Variants in ARHGAP24 observed in about 807,000 individuals in gnomAD.
ARHGAP24 encodes the protein Rho GTPase activating protein 24.
In ARHGAP24, 50 loss-of-function variants were observed where a neutral mutation model predicts 76.4. The ratio of observed to expected loss-of-function variants is 0.65; its 90% CI spans 0.52 to 0.83. ARHGAP24 has a LOEUF of 0.83. ARHGAP24 is among the 40% of genes least tolerant of loss of function. The pLI, the probability that ARHGAP24 is intolerant of heterozygous loss-of-function variation, is 0.00. For synonymous variants in ARHGAP24, 345 were observed against 323.3 expected (o/e 1.07, Z -0.72); for missense variants, 930 against 914.2 (o/e 1.02, Z -0.22).
intron 3 of ARHGAP24, among the ~76,000 whole-genome samples, chr4:85,795,068 AG>A (rs1728289247): frequency 1.3e-5 from 2 of 152,234 alleles, no homozygotes; most frequent in Non-Finnish European, 1.5e-5. Flanking sequence ...TCCAGTGCCA[AG>A]GAAGTCCCTC....
In ARHGAP24 at chr4:85,994,744, A is replaced by T; in HGVS notation, c.1090A>T (p.Asn364Tyr). 1.2e-6 allele frequency: 2 copies of T among 1,614,190 alleles called. No homozygotes were observed. The highest frequency in any genetic ancestry group is 8.5e-7 in the Non-Finnish European group (1 of 1,180,034). The change falls in exon 9 of 10, where the codon AAT becomes TAT. Residue 364 changes from asparagine to tyrosine, a missense_variant. Physicochemically the swap from Asn to Tyr is moderately radical, Grantham distance 143. Transcript: ENST00000395184. Reference protein sequence around the residue: ...TMGQLQNKENNNTKDSPSRQC... With the variant: ...TMGQLQNKENYNTKDSPSRQC... ...GGGGCAGTTACAGAACAAGGAGAAC[A>T]ATAACACCAAGGACAGCCCTAGTAG...
intron 3 of ARHGAP24, among the ~76,000 whole-genome samples, chr4:85,918,852 G>A (rs936847754): frequency 6.6e-5 from 10 of 152,132 alleles, no homozygotes; most frequent in African/African-American, 2.4e-4. Flanking sequence ...GTCAACAGTA[G>A]CACTAAAGCA....
intron 5 of ARHGAP24, among the ~76,000 whole-genome samples, chr4:85,945,670 G>T (rs775437932): frequency 7.5e-4 from 111 of 148,626 alleles, no homozygotes; most frequent in Admixed American, 1.8e-3. Flanking sequence ...AGAGGCAGGA[G>T]AATCTCTTGA....
intron 2 of ARHGAP24, among the ~76,000 whole-genome samples, chr4:85,646,673 A>T (rs1457021050): frequency 6.6e-6 from 1 of 152,090 alleles, no homozygotes; most frequent in East Asian, 1.9e-4. Flanking sequence ...AAATATCATG[A>T]CTTTTTAAAA....
intron 3 of ARHGAP24, among the ~76,000 whole-genome samples, chr4:85,735,311 C>T (rs781775448): frequency 6.6e-6 from 1 of 152,172 alleles, no homozygotes; most frequent in Admixed American, 6.5e-5. Context: ...CATCCAGCAC[C>T]TCACGTGTTT....
chr4:85,917,690 T>G (rs1457729499), intron 3 of ARHGAP24, among the ~76,000 whole-genome samples: 1 of 152,178 alleles, frequency 6.6e-6, no homozygotes, highest in Non-Finnish European at 1.5e-5. Flanking sequence ...TCATGTGTTT[T>G]TTGGCTGCAT....
At chr4:85,983,574 C>T (rs1378448447) in intron 8 of ARHGAP24, among the ~76,000 whole-genome samples, 2 of 152,158 alleles carry the variant, frequency 1.3e-5, no homozygotes. Flanking sequence ...AGACGCTTCT[C>T]AAAAGAAGAT....
At chr4:85,533,331 T>C (rs968385085) in intron 1 of ARHGAP24, among the ~76,000 whole-genome samples, 3 of 152,334 alleles carry the variant, frequency 2.0e-5, no homozygotes, top group Middle Eastern at 6.8e-3. Context: ...GCTAGATAAG[T>C]ATACTTTGGT....
intron 3 of ARHGAP24, among the ~76,000 whole-genome samples, chr4:85,923,201 C>G (rs1735830440): frequency 6.6e-6 from 1 of 152,130 alleles, no homozygotes; most frequent in Non-Finnish European, 1.5e-5. Context: ...TATCCAATCA[C>G]GATGTCCTGG....
intron 3 of ARHGAP24, among the ~76,000 whole-genome samples, chr4:85,738,255 T>C (rs892440898): frequency 6.6e-6 from 1 of 152,080 alleles, no homozygotes; most frequent in Non-Finnish European, 1.5e-5. Flanking sequence ...TTATTTGCAT[T>C]TCCCTAATGC....
chr4:85,492,028 A>G (rs542585458), intron 1 of ARHGAP24, among the ~76,000 whole-genome samples: 1 of 147,808 alleles, frequency 6.8e-6, no homozygotes, highest in East Asian at 2.0e-4. Flanking sequence ...GGTTCTTTTT[A>G]TTTCCTCTCT....
rs546933854 is a variant in ARHGAP24 at position 85,622,528 on chromosome 4, G to C, written c.180+51807G>C. Reference sequence around the variant, plus strand: ...ACATTTAGGTTGGTTCCAAGTCTTTGCTATTGTGAATAGTGCTGCTATAAA... The same window carrying C: ...ACATTTAGGTTGGTTCCAAGTCTTTCCTATTGTGAATAGTGCTGCTATAAA... On this transcript the variant is annotated intron_variant, in intron 2 of 9. Coordinates refer to ENST00000395184, the MANE Select transcript of ARHGAP24 (RefSeq NM_001025616.3). 7.0e-4 allele frequency among the ~76,000 whole-genome samples: 106 copies of C among 152,042 alleles called. 1 individual carries two copies. Among genetic ancestry groups the C allele is most frequent in the African/African-American group, 2.3e-3 (97 of 41,464 alleles).
intron 8 of ARHGAP24, among the ~76,000 whole-genome samples, chr4:85,993,858 C>T (rs1321058914): frequency 6.6e-6 from 1 of 152,174 alleles, no homozygotes; most frequent in Non-Finnish European, 1.5e-5. Context: ...CTTAAGTAAA[C>T]ACTCTCCAGA....
chr4:85,830,377 A>C (rs986491328), intron 3 of ARHGAP24, among the ~76,000 whole-genome samples: 17 of 152,212 alleles, frequency 1.1e-4, no homozygotes, highest in African/African-American at 3.9e-4. Flanking sequence ...AGCAAGGGCC[A>C]CTGTGTCCAT....
At chr4:85,684,424 A>G (rs891694568) in intron 2 of ARHGAP24, among the ~76,000 whole-genome samples, 1 of 152,132 alleles carries the variant, frequency 6.6e-6, no homozygotes, top group Admixed American at 6.5e-5. Flanking sequence ...AAAAAATGCT[A>G]TATGGTATAA....
At chr4:85,486,708 A>G (rs1432776645) in intron 1 of ARHGAP24, among the ~76,000 whole-genome samples, 2 of 152,198 alleles carry the variant, frequency 1.3e-5, no homozygotes, top group South Asian at 2.1e-4. Context: ...TTAAATTACT[A>G]GTTTCTTGAT....
intron 2 of ARHGAP24, among the ~76,000 whole-genome samples, chr4:85,693,067 A>T (rs1723729164): frequency 6.6e-6 from 1 of 152,224 alleles, no homozygotes; most frequent in Non-Finnish European, 1.5e-5. Context: ...GTATATAAGC[A>T]AAATATTTTT....
intron 1 of ARHGAP24, among the ~76,000 whole-genome samples, chr4:85,489,569 G>A (rs1440712629): frequency 6.6e-6 from 1 of 152,198 alleles, no homozygotes; most frequent in Non-Finnish European, 1.5e-5. Flanking sequence ...TCTTCATCTG[G>A]AGCAAGGTGA....
At chr4:85,914,409 G>C (rs1282495602) in intron 3 of ARHGAP24, among the ~76,000 whole-genome samples, 1 of 152,202 alleles carries the variant, frequency 6.6e-6, no homozygotes, top group Non-Finnish European at 1.5e-5. Flanking sequence ...GATTCAGTTA[G>C]TGTGGAATGA....
Sources: allele counts gnomAD v4.1 joint callset (sites outside exome capture counted in the v4.1 genomes callset), GRCh38; gene constraint gnomAD v4.1.1; transcripts MANE v1.5; gene names NCBI Gene and HGNC (gene_info 2026-07-23, HGNC 2026-07-21).